Variants in ATAD2B observed in about 807,000 individuals in gnomAD.
ATAD2B encodes the protein ATPase family AAA domain-containing protein 2B.
ATAD2B carries 40 observed loss-of-function variants against 167.6 expected under a neutral mutation model. The ratio of observed to expected loss-of-function variants is 0.24; its 90% CI spans 0.19 to 0.31. The LOEUF (loss-of-function observed/expected upper bound fraction) is 0.31, where lower values mean the gene tolerates loss of function less well. Among genes scored for constraint, ATAD2B ranks in the 10% least tolerant of loss-of-function variants. The probability of loss-of-function intolerance (pLI) is 1.00; values close to 1 mark genes in which losing one functional copy is unlikely to be tolerated. For missense variants in ATAD2B, 1,242 were observed against 1,757.2 expected (o/e 0.71, Z 5.24); for synonymous variants, 579 against 596.5 (o/e 0.97, Z 0.43).
chr2:23,841,139 A>C (rs1259970058), intron 13 of ATAD2B, among the ~76,000 whole-genome samples: 1 of 95,248 alleles, frequency 1.0e-5, no homozygotes, highest in African/African-American at 4.2e-5. Context: ...GGTTCTCATT[A>C]TGTTGCCCAG....
the ATAD2B span, chr2:23,706,758 A>G: frequency 2.4e-6 from 2 of 850,880 alleles, no homozygotes; most frequent in Non-Finnish European, 3.5e-6. Flanking sequence ...CAAGAGGCCA[A>G]CAAAACACAA....
intron 13 of ATAD2B, among the ~76,000 whole-genome samples, chr2:23,834,619 AC>A (rs1689636205): frequency 1.3e-5 from 2 of 152,152 alleles, no homozygotes; most frequent in Non-Finnish European, 2.9e-5. Context: ...AAAATTAAAA[AC>A]TTTTCTTCTT....
intron 14 of ATAD2B, among the ~76,000 whole-genome samples, chr2:23,829,155 G>C (rs966448193): frequency 4.2e-3 from 1 of 240 alleles, no homozygotes; most frequent in Non-Finnish European, 7.8e-3. Flanking sequence ...GATCTTGTCT[G>C]TGTTCACAAC....
chr2:23,839,596 G>A (rs1203009453), intron 13 of ATAD2B, among the ~76,000 whole-genome samples: 2 of 151,842 alleles, frequency 1.3e-5, no homozygotes, highest in Non-Finnish European at 2.9e-5. Flanking sequence ...AATCAATTTA[G>A]TCATAATATA....
chr2:23,728,789 T>C, the ATAD2B span, among the ~76,000 whole-genome samples: 2 of 152,194 alleles, frequency 1.3e-5, no homozygotes, highest in Admixed American at 1.3e-4. Context: ...TTCCAAATTA[T>C]ATATGAAGGA....
In ATAD2B at chr2:23,926,928, G is replaced by C. The variant is rs1704972469; in HGVS notation, c.-158C>G. 1.1e-6 allele frequency: 1 copy of C among 882,740 alleles called. No homozygotes were observed. The highest frequency in any genetic ancestry group is 1.6e-6 in the Non-Finnish European group (1 of 618,318). The allele number at this position is 882,740 out of a possible 1,614,324, so 54.7% of individuals were successfully genotyped here. A position where few individuals can be genotyped will look rare whatever the true frequency, so the allele number is the denominator to read the frequency against. Reference sequence around the variant, plus strand: ...GCAGACGAGCACAAGAGAGAGCCGGGCAGAGGAAGGGAAGTCGGCGTGAGC... The same window carrying C: ...GCAGACGAGCACAAGAGAGAGCCGGCCAGAGGAAGGGAAGTCGGCGTGAGC... On this transcript the variant is annotated 5_prime_UTR_variant, in exon 1 of 28. Coordinates refer to ENST00000238789, the MANE Select transcript of ATAD2B (RefSeq NM_017552.4).
the ATAD2B span, chr2:23,696,604 G>T: frequency 3.8e-6 from 4 of 1,044,914 alleles, no homozygotes; most frequent in African/African-American, 3.2e-5. This position sits in a 1 kb window ranked among gnomAD's most constrained non-coding sequence, Gnocchi z 5.5. Context: ...CACCCACTCA[G>T]TGGCGATGGA....
the ATAD2B span, among the ~76,000 whole-genome samples, chr2:23,700,000 C>A: frequency 6.6e-6 from 1 of 152,240 alleles, no homozygotes; most frequent in Admixed American, 6.5e-5. Context: ...GTCATTCCTA[C>A]AAATACAGCT....
At chr2:23,819,975 A>T in intron 16 of ATAD2B, 93 bp from the exon 17 acceptor site, 1 of 820,192 alleles carries the variant, frequency 1.2e-6, no homozygotes, top group East Asian at 2.7e-5. Context: ...TAAAAAATCA[A>T]ATGACATTAA....
chr2:23,733,132 T>C, the ATAD2B span, among the ~76,000 whole-genome samples: 1 of 152,320 alleles, frequency 6.6e-6, no homozygotes, highest in Admixed American at 6.5e-5. Context: ...TGTATGAACA[T>C]GCTCAGTTTT....
chr2:23,827,127 C>A (rs1306819409), intron 15 of ATAD2B, among the ~76,000 whole-genome samples: 1 of 151,364 alleles, frequency 6.6e-6, no homozygotes. Flanking sequence ...GAATGAATGT[C>A]ATAACAAAAA....
chr2:23,785,182 C>G (rs1301487929), intron 21 of ATAD2B, among the ~76,000 whole-genome samples: 1 of 151,916 alleles, frequency 6.6e-6, no homozygotes, highest in African/African-American at 2.4e-5. Flanking sequence ...TGCTCAGGTC[C>G]AAAAGCACAG....
chr2:23,831,073 TAAA>T (rs767045594), intron 14 of ATAD2B, among the ~76,000 whole-genome samples: 30 of 152,142 alleles, frequency 2.0e-4, no homozygotes, highest in Non-Finnish European at 3.5e-4. Context: ...AAAAAATACT[TAAA>T]TGTAGAAATC....
At chr2:23,778,394 A>T (rs1444744550) in intron 22 of ATAD2B, among the ~76,000 whole-genome samples, 1 of 152,186 alleles carries the variant, frequency 6.6e-6, no homozygotes, top group Non-Finnish European at 1.5e-5. Flanking sequence ...GGCTTTTTCT[A>T]AGCACTTAAA....
chr2:23,762,317 G>C lies in ATAD2B; in HGVS notation c.3286C>G (p.Pro1096Ala), dbSNP rs747435735. Residue 1096 changes from proline to alanine, a missense_variant, in exon 24 of 28, where the codon CCT (proline) becomes GCT (alanine). Pro to Ala is a conservative substitution (Grantham distance 27, BLOSUM62 -1). This residue lies in a region of ATAD2B where 204 missense variants were observed against 324.0 expected (regional missense o/e 0.63). Transcript: ENST00000238789. ...GLSVTSEQINPHSTGARKTET... is the reference protein window; with the variant it reads ...GLSVTSEQINAHSTGARKTET... ...GTCTTCCGAGCTCCAGTACTATGAG[G>C]ATTTATTTGTTCTGATGTTACTGAT... 2.4e-5 allele frequency: 39 copies of C among 1,613,190 alleles called. No homozygotes were observed. The highest frequency in any genetic ancestry group is 2.8e-5 in the Non-Finnish European group (33 of 1,179,644).
the ATAD2B span, chr2:23,684,341 TA>T: frequency 0.069 from 63,376 of 918,772 alleles, 46 homozygotes; most frequent in Middle Eastern, 0.076. This position sits in a 1 kb window ranked among gnomAD's most constrained non-coding sequence, Gnocchi z 4.4. Flanking sequence ...TTTTTTTAAT[TA>T]AAAAAAAAAA....
chr2:23,717,576 G>T, the ATAD2B span, among the ~76,000 whole-genome samples: 1 of 152,084 alleles, frequency 6.6e-6, no homozygotes, highest in African/African-American at 2.4e-5. Flanking sequence ...AAAATAACAG[G>T]AGAGAGAGCT....
intron 1 of ATAD2B, among the ~76,000 whole-genome samples, chr2:23,909,849 GT>G (rs1005133562): frequency 1.3e-5 from 2 of 150,358 alleles, no homozygotes; most frequent in Non-Finnish European, 3.0e-5. Flanking sequence ...AGTTTGGGTT[GT>G]TTTTTTTTGT....
chr2:23,852,078 T>C lies in ATAD2B; in HGVS notation c.1568+5337A>G, dbSNP rs946520995. The stretch of plus-strand genomic sequence containing the variant: ...TGAACAAATTCCTTTAAAGATAAAC[T>C]ACCAAACTAACAAAACTGACCTAAG... On this transcript the variant is annotated intron_variant, in intron 13 of 27. Coordinates refer to ENST00000238789, the MANE Select transcript of ATAD2B (RefSeq NM_017552.4). Among the ~76,000 whole-genome samples the C allele has an allele frequency of 2.6e-5, 4 of 152,178 alleles. No individual in the cohort carries two copies. The South Asian group carries it at 6.2e-4, about 24-fold the overall frequency.
Sources: gnomAD v4.1 joint callset for allele counts (sites outside exome capture counted in the v4.1 genomes callset) on GRCh38, gnomAD v4.1.1 for gene constraint, gnomAD v4.1.1 regional missense constraint, Gnocchi (gnomAD v3.1) non-coding constraint, MANE v1.5 for transcripts, NCBI Gene and HGNC (gene_info 2026-07-23, HGNC 2026-07-21) for gene names.